THOC2: variants seen among roughly 807,000 people sequenced by gnomAD.
The protein encoded by THOC2 is THO complex subunit 2, also known as THO complex 2.
Under a neutral mutation model 128.4 loss-of-function variants are expected in THOC2, and 10 were observed. The observed-to-expected ratio is 0.08, with a 90% CI of 0.05 to 0.13. THOC2 has a LOEUF of 0.13. THOC2 is among the 10% of genes least tolerant of loss of function. The pLI, the probability that THOC2 is intolerant of heterozygous loss-of-function variation, is 1.00. For missense variants in THOC2, 535 were observed against 1,155.7 expected, an observed-to-expected ratio of 0.46 and a Z score of 7.79; for synonymous variants, 393 against 396.9, an observed-to-expected ratio of 0.99 and a Z score of 0.12.
At chrX:123,694,197 G>A (rs1452287635) in intron 7 of THOC2, among the ~76,000 whole-genome samples, 1 of 110,796 alleles carries the variant, frequency 9.0e-6, no homozygotes, top group African/African-American at 3.3e-5. Flanking sequence ...TTTTATGTGG[G>A]GAATACTACC....
chrX:123,621,347 A>T lies in THOC2; in HGVS notation c.4026T>A (p.Phe1342Leu), dbSNP rs762908452. Residue 1342 changes from phenylalanine (F) to leucine (L), a missense_variant, in exon 31 of 39, where the codon TTT becomes TTA. Coordinates refer to ENST00000245838, the MANE Select transcript of THOC2 (RefSeq NM_001081550.2). ...KKEEKAKDEK[F>L]KTTVPNAESK... ...ATTCTGCGTTGGGGACAGTGGTCTT[A>T]AATTTCTCATCTTTAGCTTTTTCTT... 3.3e-6 allele frequency: 4 copies of T among 1,210,056 alleles called. No individual in the cohort carries two copies. The Admixed American group carries it at 6.6e-5, about 20-fold the overall frequency.
At chrX:123,615,074 C>G (rs1268427046) in intron 33 of THOC2, among the ~76,000 whole-genome samples, 2 of 111,180 alleles carry the variant, frequency 1.8e-5, no homozygotes, top group Admixed American at 1.9e-4. Flanking sequence ...AATCAGATAC[C>G]TAACCTTACG....
chrX:123,606,886 G>A (rs1413300729), intron 38 of THOC2, among the ~76,000 whole-genome samples: 1 of 111,415 alleles, frequency 9.0e-6, no homozygotes, highest in Non-Finnish European at 1.9e-5. Context: ...AGGAGACTGA[G>A]TATCTCAAGG....
intron 2 of THOC2, among the ~76,000 whole-genome samples, chrX:123,708,226 C>A (rs985454004): frequency 8.9e-6 from 1 of 112,129 alleles, no homozygotes; most frequent in Non-Finnish European, 1.9e-5. Flanking sequence ...GTAAAATTAA[C>A]TTGTTCATTA....
chrX:123,700,612 T>C (rs1012468644), intron 4 of THOC2, among the ~76,000 whole-genome samples: 10 of 107,713 alleles, frequency 9.3e-5, no homozygotes, highest in Non-Finnish European at 1.7e-4. Context: ...TAATTTCCCT[T>C]GTAACTGTCA....
intron 36 of THOC2, 53 bp downstream of exon 36, chrX:123,613,346 A>C: frequency 8.9e-7 from 1 of 1,119,986 alleles, no homozygotes; most frequent in Non-Finnish European, 1.2e-6. Context: ...CTAAATTTTC[A>C]GGATTGATTT....
chrX:123,721,966 A>G (rs961190089), intron 1 of THOC2, among the ~76,000 whole-genome samples: 1 of 112,021 alleles, frequency 8.9e-6, no homozygotes, highest in Non-Finnish European at 1.9e-5. Flanking sequence ...TTTTTATGAA[A>G]CACCATTTTT....
intron 12 of THOC2, among the ~76,000 whole-genome samples, chrX:123,652,632 C>T (rs1447249010): frequency 9.0e-6 from 1 of 110,978 alleles, no homozygotes; most frequent in Non-Finnish European, 1.9e-5. Context: ...TTCCTATACA[C>T]CAATAATAGA....
At chrX:123,603,566 T>A (rs2046361663) in intron 38 of THOC2, 1 of 891,885 alleles carries the variant, frequency 1.1e-6, no homozygotes, top group Non-Finnish European at 1.6e-6. Context: ...TGAAAATCAG[T>A]GACTTTGGAA....
intron 31 of THOC2, 56 bp from the exon 32 acceptor site, chrX:123,621,021 C>A: frequency 8.4e-7 from 1 of 1,186,318 alleles, no homozygotes; most frequent in Admixed American, 2.3e-5. Context: ...TTTCCAAACA[C>A]TTAAAAAAAA....
chrX:123,643,378 C>T (rs745920175), intron 15 of THOC2, among the ~76,000 whole-genome samples: 31 of 111,556 alleles, frequency 2.8e-4, no homozygotes, highest in African/African-American at 1.0e-3. Context: ...GAATATACAA[C>T]TATAATACAC....
chrX:123,645,444 A>C, intron 12 of THOC2, 69 bp from the exon 13 acceptor site: 2 of 659,281 alleles, frequency 3.0e-6, no homozygotes. Context: ...ATTAATTTCT[A>C]ATTTGAAAAA....
intron 3 of THOC2, among the ~76,000 whole-genome samples, chrX:123,703,763 G>A (rs201425272): frequency 6.1e-5 from 6 of 98,273 alleles, no homozygotes; most frequent in East Asian, 6.4e-4. Flanking sequence ...TTAGCCAGGC[G>A]TGATGGTGTA....
intron 16 of THOC2, 49 bp downstream of exon 16, chrX:123,640,489 G>A (rs756964161): frequency 2.2e-6 from 2 of 918,832 alleles, no homozygotes; most frequent in Admixed American, 2.7e-5. Context: ...CTGATTTAAA[G>A]GCAACAGAAA....
chrX:123,714,028 G>T (rs2051307539), intron 1 of THOC2, among the ~76,000 whole-genome samples: 1 of 110,957 alleles, frequency 9.0e-6, no homozygotes, highest in Non-Finnish European at 1.9e-5. Context: ...TCCAAACTGT[G>T]GGAAAATCTA....
At chrX:123,641,427 A>C (rs1435008091) in intron 15 of THOC2, among the ~76,000 whole-genome samples, 1 of 112,327 alleles carries the variant, frequency 8.9e-6, no homozygotes, top group East Asian at 2.8e-4. Flanking sequence ...AACTTGCTTT[A>C]ATTAATTTCT....
chrX:123,724,876 A>G (rs1466871842), intron 1 of THOC2, among the ~76,000 whole-genome samples: 1 of 111,096 alleles, frequency 9.0e-6, no homozygotes, highest in Non-Finnish European at 1.9e-5. Context: ...TCAGGAGTTC[A>G]AGACCAGCCT....
chrX:123,638,968 T>C lies in THOC2; in HGVS notation c.1806A>G (p.Lys602=), dbSNP rs2047799517. 2 of 1,186,424 alleles carry C rather than the reference T, an allele frequency of 1.7e-6. No individual in the cohort carries two copies. The highest frequency in any genetic ancestry group is 2.3e-6 in the Non-Finnish European group (2 of 877,189). The change falls in exon 17 of 39, where the codon AAA becomes AAG. Residue 602 remains lysine, a synonymous_variant. Transcript: ENST00000245838. ...CATCATAATTCAGTGAAGTGAGGTA[T>C]TTCAATGAATCTACTACAGGTGTTA... The part of the protein sequence containing the change: ...NLITPVVDSL[K]YLTSLNYDVL...
At chrX:123,702,320 T>A (rs984751987) in intron 4 of THOC2, among the ~76,000 whole-genome samples, 2 of 108,677 alleles carry the variant, frequency 1.8e-5, no homozygotes, top group African/African-American at 6.7e-5. Context: ...GGCAATGTCT[T>A]CTATTAGATT....
Sources: allele counts gnomAD v4.1 joint callset (sites outside exome capture counted in the v4.1 genomes callset), GRCh38; gene constraint gnomAD v4.1.1; transcripts MANE v1.5; gene names NCBI Gene and HGNC (gene_info 2026-07-23, HGNC 2026-07-21).